Variants in SEC63 observed in about 807,000 individuals in gnomAD.
SEC63 encodes SEC63 protein translocation regulator, also known as translocation protein SEC63 homolog.
In SEC63, 56 loss-of-function variants were observed where a neutral mutation model predicts 116.2. The observed-to-expected ratio is 0.48, with a 90% CI of 0.39 to 0.60. SEC63 has a LOEUF of 0.60. Ranked by LOEUF, SEC63 falls within the 20% of genes least tolerant of loss-of-function variation. The pLI is 0.00. For missense variants in SEC63, 668 were observed against 900.0 expected, an observed-to-expected ratio of 0.74 and a Z score of 3.30; for synonymous variants, 273 against 294.6, an observed-to-expected ratio of 0.93 and a Z score of 0.75.
rs545549877 is a variant in SEC63 at position 107,948,615 on chromosome 6, G to T, written c.124+9271C>A. Among the ~76,000 whole-genome samples, 3 of 152,220 alleles carry T rather than the reference G, an allele frequency of 2.0e-5. No individual in the cohort carries two copies. In the South Asian group the frequency reaches 6.2e-4, roughly 32 times the overall value. On this transcript the variant is annotated intron_variant, in intron 1 of 20. Coordinates refer to ENST00000369002, the MANE Select transcript of SEC63 (RefSeq NM_007214.5). ...TTCCTTGGTTTGTACCTCCATGTTG[G>T]GGCTCAGTGATACCCAAAATATGGC...
chr6:107,898,189 G>A (rs1055061947), intron 13 of SEC63, among the ~76,000 whole-genome samples: 5 of 151,884 alleles, frequency 3.3e-5, no homozygotes, highest in African/African-American at 1.2e-4. Flanking sequence ...CTTGAACCTG[G>A]GAGCCGGAGG....
intron 1 of SEC63, chr6:107,931,774 A>G (rs1258722881): frequency 6.6e-6 from 1 of 152,210 alleles, no homozygotes; most frequent in East Asian, 1.9e-4. Context: ...TCAAGTTTTG[A>G]AACAAAAATC....
intron 1 of SEC63, among the ~76,000 whole-genome samples, chr6:107,936,418 C>T (rs1318099763): frequency 6.6e-6 from 1 of 152,160 alleles, no homozygotes; most frequent in East Asian, 1.9e-4. Context: ...GAGTCAAGTT[C>T]TTCCAGACAG....
At chr6:107,883,312 G>A in intron 16 of SEC63, 166 bp from the exon 17 acceptor site, 1 of 730,110 alleles carries the variant, frequency 1.4e-6, no homozygotes, top group Admixed American at 2.7e-5. Context: ...TTATAAAGAT[G>A]TGGGAGTCAG....
chr6:107,874,809 C>T (rs1264117613), intron 19 of SEC63, among the ~76,000 whole-genome samples: 2 of 151,998 alleles, frequency 1.3e-5, no homozygotes, highest in Non-Finnish European at 1.5e-5. Context: ...CTGAGTTAGG[C>T]TGGGACTACA....
Position 107,955,574 on chromosome 6 carries a change from C to T in SEC63, c.124+2312G>A, listed in dbSNP as rs146084588. On this transcript the variant is annotated intron_variant, in intron 1 of 20. Transcript: ENST00000369002. ...ACCACCACTTTTTCAAAGACACTTA[C>T]ATGCTGAAGGGGGTCAAGTATGACT... Among the ~76,000 whole-genome samples, 8 of 152,324 alleles carry T rather than the reference C, an allele frequency of 5.3e-5. No homozygotes were observed. In the East Asian group the frequency reaches 1.4e-3, roughly 26 times the overall value.
chr6:107,909,655 C>T (rs960086501), intron 7 of SEC63, among the ~76,000 whole-genome samples: 3 of 152,168 alleles, frequency 2.0e-5, no homozygotes, highest in African/African-American at 7.2e-5. Context: ...CTACCCACTG[C>T]TATAAGCACC....
At chr6:107,953,018 G>C (rs1231149166) in intron 1 of SEC63, among the ~76,000 whole-genome samples, 1 of 152,152 alleles carries the variant, frequency 6.6e-6, no homozygotes, top group African/African-American at 2.4e-5. Flanking sequence ...CCAGGACTTT[G>C]GGACGCCGAG....
intron 2 of SEC63, among the ~76,000 whole-genome samples, chr6:107,928,899 T>A (rs1474123293): frequency 6.6e-6 from 1 of 152,244 alleles, no homozygotes; most frequent in Non-Finnish European, 1.5e-5. Context: ...CACTTCTAAC[T>A]ACATGACTTT....
At chr6:107,911,714 A>AT (rs1314590476) in intron 6 of SEC63, among the ~76,000 whole-genome samples, 2 of 152,146 alleles carry the variant, frequency 1.3e-5, no homozygotes, top group Non-Finnish European at 2.9e-5. Flanking sequence ...TTACCTTTTA[A>AT]TTTTTTATTT....
chr6:107,899,566 A>C (rs1786949263), intron 13 of SEC63, among the ~76,000 whole-genome samples: 1 of 151,862 alleles, frequency 6.6e-6, no homozygotes, highest in Admixed American at 6.6e-5. Context: ...AAATACAAAA[A>C]TTAGCTGGGC....
At chr6:107,875,378 A>G (rs1411703085) in intron 19 of SEC63, among the ~76,000 whole-genome samples, 3 of 152,184 alleles carry the variant, frequency 2.0e-5, no homozygotes, top group African/African-American at 2.4e-5. Flanking sequence ...ATGCTTGTTA[A>G]CTTTTCAATA....
intron 1 of SEC63, among the ~76,000 whole-genome samples, chr6:107,937,100 A>T (rs1335863440): frequency 1.4e-5 from 2 of 146,948 alleles, no homozygotes; most frequent in Non-Finnish European, 3.0e-5. Flanking sequence ...GCTGTGTAGT[A>T]TTCTACAGTG....
chr6:107,906,883 C>T, intron 8 of SEC63, 106 bp from the exon 9 acceptor site: 1 of 825,306 alleles, frequency 1.2e-6, no homozygotes, highest in Non-Finnish European at 2.1e-6. Flanking sequence ...TCTAAACATG[C>T]ACAATGCTAA....
intron 1 of SEC63, among the ~76,000 whole-genome samples, chr6:107,951,641 A>C (rs1016985699): frequency 7.2e-5 from 11 of 152,216 alleles, no homozygotes; most frequent in African/African-American, 2.7e-4. Flanking sequence ...CACCCACTCC[A>C]GACCAAATAA....
intron 8 of SEC63, among the ~76,000 whole-genome samples, chr6:107,907,375 A>C (rs1787169960): frequency 6.6e-6 from 1 of 152,168 alleles, no homozygotes; most frequent in East Asian, 1.9e-4. Context: ...GAGACCAGCC[A>C]GTTTGAGACC....
At chr6:107,882,705 G>A (rs1369503936) in intron 17 of SEC63, among the ~76,000 whole-genome samples, 1 of 151,998 alleles carries the variant, frequency 6.6e-6, no homozygotes, top group Admixed American at 6.6e-5. Flanking sequence ...ATCCCCTTAT[G>A]AGACCAACTG....
In SEC63 at chr6:107,921,901, T is replaced by C. The variant is rs542508978; in HGVS notation, c.348A>G (p.Thr116=). The change falls in exon 4 of 21, where the codon ACA becomes ACG. Residue 116 remains threonine (T), a synonymous_variant. Coordinates refer to ENST00000369002, the MANE Select transcript of SEC63 (RefSeq NM_007214.5). ...YEVLNLDPGA[T]VAEIKKQYRL... ...GATATTGTTTTTTAATTTCTGCTAC[T>C]GTGGCTCCCTGGGGAAAAACAAAAA... 2.0e-6 allele frequency: 3 copies of C among 1,536,548 alleles called. No individual in the cohort carries two copies. The highest frequency in any genetic ancestry group is 1.7e-5 in the African/African-American group (1 of 59,484).
intron 1 of SEC63, chr6:107,954,481 T>TAAA (rs1562345005): frequency 7.1e-5 from 1 of 14,004 alleles, no homozygotes; most frequent in African/African-American, 3.1e-4. Flanking sequence ...AAAAAAAAAA[T>TAAA]CAAAAAAAAA....
Sources: gnomAD v4.1 joint callset for allele counts (sites outside exome capture counted in the v4.1 genomes callset) on GRCh38, gnomAD v4.1.1 for gene constraint, MANE v1.5 for transcripts, NCBI Gene and HGNC (gene_info 2026-07-23, HGNC 2026-07-21) for gene names.